RNF214: variants seen among roughly 807,000 people sequenced by gnomAD.
The protein encoded by RNF214 is ring finger protein 214.
In RNF214, 25 loss-of-function variants were observed where a neutral mutation model predicts 75.9. The ratio of observed to expected loss-of-function variants is 0.33; its 90% CI spans 0.24 to 0.46. The LOEUF is 0.46. Ranked by LOEUF, RNF214 falls within the 20% of genes least tolerant of loss-of-function variation. The pLI is 1.00. For missense variants in RNF214, 725 were observed against 857.5 expected (o/e 0.85, Z 1.93); for synonymous variants, 314 against 308.8 (o/e 1.02, Z -0.18).
chr11:117,265,269 C>T (rs1215696267), intron 6 of RNF214, among the ~76,000 whole-genome samples: 1 of 152,078 alleles, frequency 6.6e-6, no homozygotes, highest in Non-Finnish European at 1.5e-5. Flanking sequence ...CCATCTGCTT[C>T]TCTAATTCAC....
At position 117,246,807 on chromosome 11, in the gene RNF214, A is replaced by G; in HGVS notation, c.820-2A>G. ...GTGCGACTGTAATTGTGTGGAACTC[A>G]GGAGATATTAAAGGCTATTCAGGAT... On this transcript the variant is annotated splice_acceptor_variant, in intron 5 of 14. Transcript: ENST00000300650. LOFTEE classifies it high-confidence loss of function. The G allele has an allele frequency of 6.3e-7, 1 of 1,580,132 alleles. No individual in the cohort carries two copies. Among genetic ancestry groups the G allele is most frequent in the Non-Finnish European group, 8.6e-7 (1 of 1,163,186 alleles).
chr11:117,239,663 A>G (rs2033017357), intron 3 of RNF214, 138 bp from the exon 4 acceptor site: 11 of 658,150 alleles, frequency 1.7e-5, no homozygotes, highest in Non-Finnish European at 2.8e-5. Flanking sequence ...CCAGAACTAC[A>G]TTGCTTAGCT....
At position 117,254,629 on chromosome 11, in the gene RNF214, C is replaced by T. The variant is rs1023023426; in HGVS notation, c.959+7681C>T. On this transcript the variant is annotated intron_variant, in intron 6 of 14. Coordinates refer to ENST00000300650, the MANE Select transcript of RNF214 (RefSeq NM_207343.4). ...GCCACCTGACCTCTTCGTTCTTCTTCTTTTTTTTTTTTGAGACAGAGTCTC... is the reference window on the plus strand; with the variant it reads ...GCCACCTGACCTCTTCGTTCTTCTTTTTTTTTTTTTTTGAGACAGAGTCTC... Among the ~76,000 whole-genome samples, 6 of 144,898 alleles carry T rather than the reference C, an allele frequency of 4.1e-5. No individual in the cohort carries two copies. The South Asian group carries it at 1.3e-3, about 32-fold the overall frequency.
At chr11:117,275,495 C>A (rs2033998343) in intron 6 of RNF214, among the ~76,000 whole-genome samples, 1 of 152,010 alleles carries the variant, frequency 6.6e-6, no homozygotes, top group Non-Finnish European at 1.5e-5. Context: ...AAATAATAGA[C>A]CATTAGGTAG....
chr11:117,242,053 CTT>C (rs1490846933), intron 4 of RNF214, among the ~76,000 whole-genome samples: 2 of 152,062 alleles, frequency 1.3e-5, no homozygotes, highest in Non-Finnish European at 2.9e-5. Context: ...TTACTTGTGT[CTT>C]TTTAATTTTA....
intron 6 of RNF214, among the ~76,000 whole-genome samples, chr11:117,249,685 G>A (rs562296333): frequency 1.3e-5 from 2 of 152,308 alleles, no homozygotes; most frequent in East Asian, 1.9e-4. Context: ...GATGCTGGCA[G>A]GTTTGGTTTC....
Position 117,283,185 on chromosome 11 carries a change from C to G in RNF214, c.2021C>G (p.Ala674Gly). Residue 674 changes from alanine (A) to glycine (G), a missense_variant, in exon 14 of 15, where the codon GCG becomes GGG. Physicochemically the swap from Ala to Gly is moderately conservative, Grantham distance 60. Coordinates refer to ENST00000300650, the MANE Select transcript of RNF214 (RefSeq NM_207343.4). The stretch of plus-strand genomic sequence containing the variant: ...CAGCCCAGTGAGCTGCATCCAATGG[C>G]GTGTACCCATGTATTGCACAAGGAG... ...LVQPSELHPM[A>G]CTHVLHKECI... 1 of 1,613,452 alleles carries G rather than the reference C, an allele frequency of 6.2e-7. No homozygotes were observed. Among genetic ancestry groups the G allele is most frequent in the East Asian group, 2.2e-5 (1 of 44,874 alleles).
At chr11:117,262,614 G>A (rs958513488) in intron 6 of RNF214, among the ~76,000 whole-genome samples, 1 of 151,056 alleles carries the variant, frequency 6.6e-6, no homozygotes, top group African/African-American at 2.4e-5. Flanking sequence ...ACTCCTGGCC[G>A]CAAGTGATCC....
At chr11:117,248,742 T>C (rs1481500988) in intron 6 of RNF214, among the ~76,000 whole-genome samples, 1 of 152,198 alleles carries the variant, frequency 6.6e-6, no homozygotes, top group East Asian at 1.9e-4. Flanking sequence ...CCACTGTTAG[T>C]GATCAAAGCA....
At chr11:117,255,536 G>A (rs1243840152) in intron 6 of RNF214, among the ~76,000 whole-genome samples, 2 of 151,168 alleles carry the variant, frequency 1.3e-5, no homozygotes, top group Non-Finnish European at 1.5e-5. Flanking sequence ...TTTCTTCGTA[G>A]AGACAGGGTC....
At chr11:117,251,643 T>C (rs1315995554) in intron 6 of RNF214, among the ~76,000 whole-genome samples, 1 of 152,000 alleles carries the variant, frequency 6.6e-6, no homozygotes, top group Non-Finnish European at 1.5e-5. Flanking sequence ...AGGGTAGGTA[T>C]AGGGAAGAAT....
At chr11:117,272,854 T>G (rs1701708490) in intron 6 of RNF214, among the ~76,000 whole-genome samples, 2 of 152,102 alleles carry the variant, frequency 1.3e-5, no homozygotes, top group African/African-American at 4.8e-5. Context: ...AACATTTTAG[T>G]CTAAGGACCC....
chr11:117,234,636 C>T (rs751214181), intron 2 of RNF214, among the ~76,000 whole-genome samples: 11 of 152,140 alleles, frequency 7.2e-5, no homozygotes, highest in Non-Finnish European at 1.2e-4. Context: ...ATTTTCCAGC[C>T]CTTTCCTACG....
chr11:117,252,496 C>T (rs541268884), intron 6 of RNF214, among the ~76,000 whole-genome samples: 37 of 152,222 alleles, frequency 2.4e-4, no homozygotes, highest in South Asian at 6.2e-4. Flanking sequence ...GCAAAATTGC[C>T]TGTGCCATTT....
At chr11:117,243,096 T>C (rs1306985247) in intron 4 of RNF214, among the ~76,000 whole-genome samples, 1 of 152,224 alleles carries the variant, frequency 6.6e-6, no homozygotes, top group Admixed American at 6.5e-5. Context: ...GATTAGCTTG[T>C]CCCAAAGCCA....
intron 6 of RNF214, among the ~76,000 whole-genome samples, chr11:117,258,951 AT>A (rs2033593985): frequency 6.6e-6 from 1 of 151,844 alleles, no homozygotes; most frequent in South Asian, 2.1e-4. Context: ...TGTTTATTCT[AT>A]TTTATTTTAT....
chr11:117,243,892 C>T (rs1308672183), intron 4 of RNF214, among the ~76,000 whole-genome samples: 1 of 152,186 alleles, frequency 6.6e-6, no homozygotes, highest in Non-Finnish European at 1.5e-5. Flanking sequence ...TATATGAAAG[C>T]TTGCTGAGTT....
Position 117,280,555 on chromosome 11 carries a change from C to T in RNF214, c.1145+296C>T, listed in dbSNP as rs535382681. Among the ~76,000 whole-genome samples the T allele has an allele frequency of 3.4e-4, 51 of 152,128 alleles. 1 individual carries two copies. Among genetic ancestry groups the T allele is most frequent in the Non-Finnish European group, 6.5e-4 (44 of 68,026 alleles). The stretch of plus-strand genomic sequence containing the variant: ...GACGTAATAGCATGCTCCTGTAATC[C>T]CAGCACTTTGGGAGGTCGAGGCAGG... On this transcript the variant is annotated intron_variant, in intron 8 of 14. Transcript: ENST00000300650.
intron 4 of RNF214, among the ~76,000 whole-genome samples, chr11:117,243,938 G>A (rs1167177704): frequency 6.6e-6 from 1 of 152,156 alleles, no homozygotes; most frequent in Non-Finnish European, 1.5e-5. Context: ...GGCCTCTTTA[G>A]TGGATCCATC....
Sources: allele counts gnomAD v4.1 joint callset (sites outside exome capture counted in the v4.1 genomes callset), GRCh38; gene constraint gnomAD v4.1.1; transcripts MANE v1.5; gene names NCBI Gene and HGNC (gene_info 2026-07-23, HGNC 2026-07-21).